NRCAM: variants seen among roughly 807,000 people sequenced by gnomAD.
NRCAM encodes neuronal cell adhesion molecule.
Under a neutral mutation model 156.5 loss-of-function variants are expected in NRCAM, and 83 were observed. That is an observed-to-expected ratio of 0.53 (90% CI 0.44 to 0.64). NRCAM has a LOEUF of 0.64. Ranked by LOEUF, NRCAM falls within the 30% of genes least tolerant of loss-of-function variation. NRCAM has a pLI of 0.00. For synonymous variants in NRCAM, 538 were observed against 563.9 expected, an observed-to-expected ratio of 0.95 and a Z score of 0.65; for missense variants, 1,417 against 1,597.3, an observed-to-expected ratio of 0.89 and a Z score of 1.92.
intron 2 of NRCAM, among the ~76,000 whole-genome samples, chr7:108,364,891 A>G (rs1217721826): frequency 6.6e-6 from 1 of 152,216 alleles, no homozygotes. Context: ...GGAGATGACG[A>G]AAGAGTTTTG....
At chr7:108,453,418 T>C (rs1046422286) in intron 1 of NRCAM, among the ~76,000 whole-genome samples, 4 of 152,226 alleles carry the variant, frequency 2.6e-5, no homozygotes, top group African/African-American at 9.6e-5. Flanking sequence ...ATTGTTGTAT[T>C]GGCCTCACAG....
intron 2 of NRCAM, among the ~76,000 whole-genome samples, chr7:108,393,144 G>T (rs1199453057): frequency 1.3e-5 from 2 of 152,178 alleles, no homozygotes; most frequent in Non-Finnish European, 2.9e-5. Context: ...CTTTTGTTCA[G>T]CTATGCCCTG....
intron 2 of NRCAM, among the ~76,000 whole-genome samples, chr7:108,372,727 A>G (rs567116288): frequency 6.6e-6 from 1 of 152,306 alleles, no homozygotes; most frequent in African/African-American, 2.4e-5. Context: ...ACGTGGAGAA[A>G]CTGGAACCAT....
At chr7:108,392,250 T>C (rs565118336) in intron 2 of NRCAM, among the ~76,000 whole-genome samples, 1 of 152,362 alleles carries the variant, frequency 6.6e-6, no homozygotes, top group African/African-American at 2.4e-5. Flanking sequence ...TAGTCCCATA[T>C]TTCTTGGAGG....
intron 3 of NRCAM, among the ~76,000 whole-genome samples, chr7:108,250,535 G>T (rs1023455476): frequency 1.3e-5 from 2 of 151,722 alleles, no homozygotes; most frequent in African/African-American, 4.8e-5. Context: ...TTATTTGTGG[G>T]ATCTAAAATT....
intron 3 of NRCAM, among the ~76,000 whole-genome samples, chr7:108,248,289 C>T (rs1407586925): frequency 6.6e-6 from 1 of 152,040 alleles, no homozygotes; most frequent in East Asian, 1.9e-4. Flanking sequence ...TTTTGAAATG[C>T]CAGGCAGGCT....
intron 29 of NRCAM, 58 bp from the exon 30 acceptor site, chr7:108,167,131 T>A: frequency 1.4e-6 from 2 of 1,385,400 alleles, no homozygotes; most frequent in Non-Finnish European, 2.0e-6. Context: ...AGAAGTCACT[T>A]AATGCTTCAA....
At chr7:108,235,315 A>G (rs574143026) in intron 5 of NRCAM, among the ~76,000 whole-genome samples, 8 of 152,274 alleles carry the variant, frequency 5.3e-5, no homozygotes, top group South Asian at 2.1e-4. Flanking sequence ...TTTACTCTTC[A>G]AAGTGTTATC....
At chr7:108,422,908 T>A (rs1320919215) in intron 1 of NRCAM, among the ~76,000 whole-genome samples, 1 of 152,038 alleles carries the variant, frequency 6.6e-6, no homozygotes, top group African/African-American at 2.4e-5. Flanking sequence ...TGCAGTAGGG[T>A]GGTCCTCTCA....
At chr7:108,401,989 C>G (rs1354548373) in intron 1 of NRCAM, among the ~76,000 whole-genome samples, 2 of 152,188 alleles carry the variant, frequency 1.3e-5, no homozygotes, top group East Asian at 3.8e-4. Context: ...TATGGAATAA[C>G]TTTTATTCTT....
In NRCAM at chr7:108,175,308, A is replaced by T; in HGVS notation, c.3187+14T>A. On this transcript the variant is annotated intron_variant, in intron 28 of 32. Coordinates refer to ENST00000379028, the MANE Select transcript of NRCAM (RefSeq NM_001037132.4). ...TTCACACATGTATAAAGTCATGCAG[A>T]TGAATTATTTTACCTTTGCCTGCAC... is the stretch of plus-strand genomic sequence containing the variant. 1 of 1,554,394 alleles carries T rather than the reference A, an allele frequency of 6.4e-7. No individual in the cohort carries two copies. The highest frequency in any genetic ancestry group is 8.7e-7 in the Non-Finnish European group (1 of 1,148,196).
intron 3 of NRCAM, among the ~76,000 whole-genome samples, chr7:108,282,644 T>C (rs759661308): frequency 2.6e-4 from 39 of 152,224 alleles, no homozygotes; most frequent in Admixed American, 5.9e-4. Flanking sequence ...GAAATTGGTA[T>C]TTCTCTCCTG....
rs1238903789 is a variant in NRCAM at position 108,191,801 on chromosome 7, T to G, written c.1831A>C (p.Ser611Arg). ...LVVADVSDDD[S>R]GTYTCVANTT... is the part of the protein sequence containing the mutation. ...TTGGCCACACACGTGTAGGTCCCGC[T>G]GTCATCGTCACTGACATCAGCTACC... is the stretch of plus-strand genomic sequence containing the variant. Residue 611 changes from serine to arginine, a missense_variant, in exon 18 of 33, where the codon AGC becomes CGC. This residue lies in a region of NRCAM where 1,238 missense variants were observed against 1,336.4 expected (regional missense o/e 0.93). Coordinates refer to ENST00000379028, the MANE Select transcript of NRCAM (RefSeq NM_001037132.4). 1 of 1,613,844 alleles carries G rather than the reference T, an allele frequency of 6.2e-7. No homozygotes were observed. The highest frequency in any genetic ancestry group is 8.5e-7 in the Non-Finnish European group (1 of 1,180,028).
intron 2 of NRCAM, among the ~76,000 whole-genome samples, chr7:108,377,145 C>G (rs1289584085): frequency 6.6e-6 from 1 of 152,062 alleles, no homozygotes; most frequent in Non-Finnish European, 1.5e-5. Context: ...GCCTGGGAGA[C>G]CCTGCCTCCA....
chr7:108,302,288 C>T (rs565089381), intron 3 of NRCAM, among the ~76,000 whole-genome samples: 2 of 152,198 alleles, frequency 1.3e-5, no homozygotes, highest in Non-Finnish European at 2.9e-5. Context: ...CTGAATTGTG[C>T]ACATTCTAGG....
intron 1 of NRCAM, among the ~76,000 whole-genome samples, chr7:108,416,770 G>A (rs1166111652): frequency 6.6e-6 from 1 of 152,178 alleles, no homozygotes; most frequent in Non-Finnish European, 1.5e-5. Flanking sequence ...TTCCATCACT[G>A]CAGAGCAGTT....
chr7:108,294,570 G>A (rs1045050503), intron 3 of NRCAM, among the ~76,000 whole-genome samples: 1 of 152,180 alleles, frequency 6.6e-6, no homozygotes, highest in Non-Finnish European at 1.5e-5. Context: ...ATGATAGAAC[G>A]AATGCATTTG....
At chr7:108,225,481 G>A (rs955175584) in intron 10 of NRCAM, among the ~76,000 whole-genome samples, 164 bp downstream of exon 10, 5 of 152,148 alleles carry the variant, frequency 3.3e-5, no homozygotes, top group Admixed American at 1.3e-4. Context: ...ATGCTTCAAA[G>A]TTTATAGGTA....
At chr7:108,328,116 A>G (rs373472527) in intron 2 of NRCAM, among the ~76,000 whole-genome samples, 2 of 152,196 alleles carry the variant, frequency 1.3e-5, no homozygotes, top group East Asian at 1.9e-4. Context: ...ATATGTTCAC[A>G]TTTTGCTACT....
Sources: allele counts gnomAD v4.1 joint callset (sites outside exome capture counted in the v4.1 genomes callset), GRCh38; gene constraint gnomAD v4.1.1; regional missense constraint gnomAD v4.1.1; transcripts MANE v1.5; gene names NCBI Gene and HGNC (gene_info 2026-07-23, HGNC 2026-07-21).